PAQR5: variants seen among roughly 807,000 people sequenced by gnomAD.
PAQR5 encodes the protein progestin and adipoQ receptor family member 5, also known as membrane progestin receptor gamma.
PAQR5 carries 20 observed loss-of-function variants against 34.5 expected under a neutral mutation model. The observed-to-expected ratio is 0.58, with a 90% CI of 0.41 to 0.84. PAQR5 has a LOEUF of 0.84. PAQR5 is among the 40% of genes least tolerant of loss of function. The pLI, the probability that PAQR5 is intolerant of heterozygous loss-of-function variation, is 0.00. For synonymous variants in PAQR5, 131 were observed against 155.6 expected (o/e 0.84, Z 1.18); for missense variants, 378 against 412.7 (o/e 0.92, Z 0.73).
rs1270704050 is a variant in PAQR5, at chr15:69,403,782, A to G, written c.953A>G (p.Tyr318Cys). ...SNIIYFSAALYRIPKPELHKK... is the reference protein window; with the variant it reads ...SNIIYFSAALCRIPKPELHKK... Reference sequence around the variant, plus strand: ...ATAATTTATTTCTCAGCTGCTCTGTATCGGATTCCCAAGCCAGAATTACAT... The same window carrying G: ...ATAATTTATTTCTCAGCTGCTCTGTGTCGGATTCCCAAGCCAGAATTACAT... Residue 318 changes from tyrosine (Y) to cysteine (C), a missense_variant, in exon 9 of 9, where the codon TAT becomes TGT. Physicochemically the swap from Tyr to Cys is radical, Grantham distance 194 (BLOSUM62 -2). Transcript: ENST00000395407. 3 of 1,614,024 alleles carry G rather than the reference A, an allele frequency of 1.9e-6. No individual in the cohort carries two copies. Among genetic ancestry groups the G allele is most frequent in the South Asian group, 2.2e-5 (2 of 91,086 alleles).
chr15:69,398,131 A>G (rs548994458), intron 7 of PAQR5, among the ~76,000 whole-genome samples: 1 of 152,282 alleles, frequency 6.6e-6, no homozygotes, highest in African/African-American at 2.4e-5. Flanking sequence ...CACGGGGAAC[A>G]TGTCAAGTGC....
intron 2 of PAQR5, among the ~76,000 whole-genome samples, chr15:69,338,610 A>G (rs1278973158): frequency 6.6e-6 from 1 of 152,212 alleles, no homozygotes; most frequent in Non-Finnish European, 1.5e-5. Flanking sequence ...GGAAGAAGCC[A>G]GAGCGATTGA....
At chr15:69,301,710 G>T (rs1400932671) in intron 1 of PAQR5, among the ~76,000 whole-genome samples, 1 of 152,018 alleles carries the variant, frequency 6.6e-6, no homozygotes, top group African/African-American at 2.4e-5. Context: ...ATGTGTATTA[G>T]CCTGGCCTCC....
chr15:69,328,431 A>ATAGCTGAGGAAACCTAGCTATAGG (rs1282491755), intron 1 of PAQR5, among the ~76,000 whole-genome samples: 1 of 152,180 alleles, frequency 6.6e-6, no homozygotes, highest in Non-Finnish European at 1.5e-5. Context: ...GGTCTCAGCC[A>ATAGCTGAGGAAACCTAGCTATAGG]TTTCCCTACA....
At chr15:69,390,829 G>A (rs1436996909) in intron 6 of PAQR5, among the ~76,000 whole-genome samples, 1 of 142,886 alleles carries the variant, frequency 7.0e-6, no homozygotes, top group Non-Finnish European at 1.5e-5. Flanking sequence ...AATTCCCACT[G>A]TTTTTTTTTT....
chr15:69,365,072 AT>A (rs2055362016), intron 3 of PAQR5, among the ~76,000 whole-genome samples: 2 of 1,598 alleles, frequency 1.3e-3, no homozygotes, highest in East Asian at 0.1. Flanking sequence ...ATTTTATTTT[AT>A]TTTATTTTAT....
rs59064870 is a variant in PAQR5 at position 69,382,659 on chromosome 15, CATATATATATATATATATATAT to C, written c.180-1993_180-1972del. Among the ~76,000 whole-genome samples the C allele has an allele frequency of 2.8e-3, 258 of 91,258 alleles. 22 individuals are homozygous for C. The highest frequency in any genetic ancestry group is 0.01 in the African/African-American group (209 of 20,424). 59.9% of individuals were successfully genotyped at this position (91,258 alleles called of 152,430 possible). Reference sequence around the variant, plus strand: ...ACTCTGTCTCAAAAAAAAAAAAAAGCATATATATATATATATATATATATATATATATATATATATATATATG... The same window carrying C: ...ACTCTGTCTCAAAAAAAAAAAAAAGCATATATATATATATATATATATATG... On this transcript the variant is annotated intron_variant, in intron 4 of 8. Transcript: ENST00000395407.
rs965269006 is a variant in PAQR5, at chr15:69,339,439, C to G, written c.-116+1938C>G. On this transcript the variant is annotated intron_variant, in intron 2 of 8. Coordinates refer to ENST00000395407, the MANE Select transcript of PAQR5 (RefSeq NM_017705.4). The stretch of plus-strand genomic sequence containing the variant: ...GCGGCCTTAGTCCCCCCACAACAAT[C>G]TTTTTGTTGTTGTTGTTGTTTCTGG... 1.6e-4 allele frequency among the ~76,000 whole-genome samples: 24 copies of G among 152,076 alleles called. 1 individual carries two copies. Among genetic ancestry groups the G allele is most frequent in the Admixed American group, 6.6e-5 (1 of 15,260 alleles).
At chr15:69,357,287 A>C (rs955873226) in intron 2 of PAQR5, among the ~76,000 whole-genome samples, 7 of 100,854 alleles carry the variant, frequency 6.9e-5, no homozygotes, top group African/African-American at 2.2e-4. Context: ...TTTTTGAGAC[A>C]TAATCTTGCT....
At position 69,381,488 on chromosome 15, in the gene PAQR5, A is replaced by G. The variant is rs190286469; in HGVS notation, c.179+1478A>G. On this transcript the variant is annotated intron_variant, in intron 4 of 8. Coordinates refer to ENST00000395407, the MANE Select transcript of PAQR5 (RefSeq NM_017705.4). ...AGGCTGTTTTGAGATTTGAGCTGCT[A>G]AAAGGGTACCAGCCTGTCCATCCCT... is the stretch of plus-strand genomic sequence containing the variant. Among the ~76,000 whole-genome samples, 198 of 152,346 alleles carry G rather than the reference A, an allele frequency of 1.3e-3. 2 individuals carry two copies. Among genetic ancestry groups the G allele is most frequent in the Non-Finnish European group, 1.2e-4 (8 of 68,030 alleles).
At chr15:69,311,045 TA>T (rs1015979181) in intron 1 of PAQR5, among the ~76,000 whole-genome samples, 3 of 57,662 alleles carry the variant, frequency 5.2e-5, no homozygotes, top group Admixed American at 3.5e-4. Context: ...TCGCAAAAAA[TA>T]AAAAAAAAAA....
At chr15:69,345,914 A>C (rs1029967171) in intron 2 of PAQR5, among the ~76,000 whole-genome samples, 2 of 152,194 alleles carry the variant, frequency 1.3e-5, no homozygotes, top group African/African-American at 4.8e-5. Context: ...ACTGCACTGA[A>C]GCCTGGGCAA....
chr15:69,359,948 C>G lies in PAQR5; in HGVS notation c.-115-18C>G. On this transcript the variant is annotated intron_variant, in intron 2 of 8. Coordinates refer to ENST00000395407, the MANE Select transcript of PAQR5 (RefSeq NM_017705.4). ...TAGGCTGAAACTGACTGGATTTCTT[C>G]ATGCTGTCCTCTTTCAGGGAAGCGG... 1 of 689,574 alleles carries G rather than the reference C, an allele frequency of 1.5e-6. No individual in the cohort carries two copies. The highest frequency in any genetic ancestry group is 2.6e-6 in the Non-Finnish European group (1 of 386,886). The allele number at this position is 689,574 out of a possible 1,614,324, so 42.7% of individuals were successfully genotyped here.
rs1355064234 is a variant in PAQR5, at chr15:69,385,500, C to T, written c.385+618C>T. Among the ~76,000 whole-genome samples, 1 of 152,084 alleles carries T rather than the reference C, an allele frequency of 6.6e-6. No homozygotes were observed. The highest frequency in any genetic ancestry group is 2.4e-5 in the African/African-American group (1 of 41,376). On this transcript the variant is annotated intron_variant, in intron 5 of 8. Coordinates refer to ENST00000395407, the MANE Select transcript of PAQR5 (RefSeq NM_017705.4). The surrounding 1 kb of genome is among the most constrained non-coding windows in gnomAD (Gnocchi z 4.7). ...GAGTGTGCGGGAATAGATCAGCAAC[C>T]TAAGCTGGTGAAATTCGGTGCTGAC...
chr15:69,303,758 G>A (rs898435290), intron 1 of PAQR5, among the ~76,000 whole-genome samples: 2 of 152,128 alleles, frequency 1.3e-5, no homozygotes, highest in African/African-American at 4.8e-5. Flanking sequence ...GAAGCCTTGG[G>A]GTTCTGAGGC....
chr15:69,372,576 T>C (rs192706017), intron 3 of PAQR5, among the ~76,000 whole-genome samples: 3 of 152,170 alleles, frequency 2.0e-5, no homozygotes, highest in Admixed American at 1.3e-4. Flanking sequence ...AGCATTCTTA[T>C]GCTTGACTGA....
chr15:69,301,858 G>A (rs997403447), intron 1 of PAQR5, among the ~76,000 whole-genome samples: 5 of 77,628 alleles, frequency 6.4e-5, no homozygotes. Context: ...AATGGGGGGA[G>A]ATTTTTTTTT....
At chr15:69,379,432 C>G (rs963936381) in intron 3 of PAQR5, 72 of 985,284 alleles carry the variant, frequency 7.3e-5, no homozygotes, top group Non-Finnish European at 6.9e-5. Flanking sequence ...GTGAATATAT[C>G]CTGGCACCGG....
At position 69,400,026 on chromosome 15, in the gene PAQR5, A is replaced by G. The variant is rs1393302354; in HGVS notation, c.662A>G (p.Gln221Arg). The change falls in exon 8 of 9, where the codon CAG (glutamine) becomes CGG (arginine). Residue 221 changes from glutamine (Q) to arginine (R), a missense_variant. Physicochemically the swap from Gln to Arg is conservative, Grantham distance 43 (BLOSUM62 1). Coordinates refer to ENST00000395407, the MANE Select transcript of PAQR5 (RefSeq NM_017705.4). ...SAQNEATSYH[Q>R]KHMIMTLLAS... ...CAAAATGAAGCCACCTCGTACCACC[A>G]GAAGCACATGATCATGACCCTCCTG... 1 of 1,614,086 alleles carries G rather than the reference A, an allele frequency of 6.2e-7. No individual in the cohort carries two copies. Among genetic ancestry groups the G allele is most frequent in the Non-Finnish European group, 8.5e-7 (1 of 1,180,024 alleles).
Sources: gnomAD v4.1 joint callset for allele counts (sites outside exome capture counted in the v4.1 genomes callset) on GRCh38, gnomAD v4.1.1 for gene constraint, Gnocchi (gnomAD v3.1) non-coding constraint, MANE v1.5 for transcripts, NCBI Gene and HGNC (gene_info 2026-07-23, HGNC 2026-07-21) for gene names.